The following GABRA5 variants were observed in gnomAD, a reference collection of about 807,000 sequenced individuals.
The protein encoded by GABRA5 is gamma-aminobutyric acid type A receptor subunit alpha5.
Under a neutral mutation model 47.3 loss-of-function variants are expected in GABRA5, and 18 were observed. That is an observed-to-expected ratio of 0.38 (90% CI 0.26 to 0.56). The LOEUF is 0.56. Among genes scored for constraint, GABRA5 ranks in the 20% least tolerant of loss-of-function variants. The pLI is 0.71. For synonymous variants in GABRA5, 237 were observed against 229.3 expected (o/e 1.03, Z -0.30); for missense variants, 365 against 599.3 (o/e 0.61, Z 4.08).
intron 6 of GABRA5, among the ~76,000 whole-genome samples, chr15:26,896,798 G>A (rs1893203745): frequency 1.3e-5 from 2 of 152,112 alleles, no homozygotes; most frequent in Admixed American, 6.5e-5. Flanking sequence ...GGTTAACCCA[G>A]TCATCACCAA....
intron 7 of GABRA5, among the ~76,000 whole-genome samples, chr15:26,920,863 C>G (rs1183794954): frequency 6.6e-6 from 1 of 152,140 alleles, no homozygotes; most frequent in African/African-American, 2.4e-5. Context: ...CAGAGACAAG[C>G]AAGACTGAAA....
At chr15:26,935,056 C>A (rs1428842865) in intron 7 of GABRA5, among the ~76,000 whole-genome samples, 1 of 152,104 alleles carries the variant, frequency 6.6e-6, no homozygotes, top group Non-Finnish European at 1.5e-5. Flanking sequence ...CTTGTCCCGG[C>A]AAAAAGATTG....
chr15:26,930,006 C>CTTTTTTTTTTTT lies in GABRA5; in HGVS notation c.581-7174_581-7163dup, dbSNP rs72082419. The stretch of plus-strand genomic sequence containing the variant: ...CTTTCTTCTTCTTCTTCTTCTTCTT[C>CTTTTTTTTTTTT]TTTTTTTTTTTTTTTTGTTTTTTGT... On this transcript the variant is annotated intron_variant, in intron 7 of 10. Coordinates refer to ENST00000335625, the MANE Select transcript of GABRA5 (RefSeq NM_000810.4). Among the ~76,000 whole-genome samples the CTTTTTTTTTTTT allele has an allele frequency of 2.4e-4, 27 of 113,378 alleles. No homozygotes were observed. The East Asian group carries it at 4.5e-3, about 19-fold the overall frequency. The allele number at this position is 113,378 out of a possible 152,430, so 74.4% of individuals were successfully genotyped here.
chr15:26,914,934 A>T lies in GABRA5; in HGVS notation c.580+49A>T, dbSNP rs768951861. 4 of 1,421,082 alleles carry T rather than the reference A, an allele frequency of 2.8e-6. No individual in the cohort carries two copies. The Admixed American group carries it at 6.7e-5, about 24-fold the overall frequency. The allele number at this position is 1,421,082 out of a possible 1,614,324, so 88.0% of individuals were successfully genotyped here. A position where few individuals can be genotyped will look rare whatever the true frequency, so the allele number is the denominator to read the frequency against. On this transcript the variant is annotated intron_variant, in intron 7 of 10. Transcript: ENST00000335625. ...GCCTTGGACATATACTTTGGGGATC[A>T]ATTCCACATTTATTCAGAAGAATTT...
At chr15:26,917,345 T>G (rs1383297277) in intron 7 of GABRA5, among the ~76,000 whole-genome samples, 2 of 152,146 alleles carry the variant, frequency 1.3e-5, no homozygotes, top group African/African-American at 4.8e-5. Context: ...ATGGTTTTTG[T>G]TTTTCATTCT....
intron 6 of GABRA5, among the ~76,000 whole-genome samples, chr15:26,911,671 T>C (rs1244097357): frequency 6.6e-6 from 1 of 152,090 alleles, no homozygotes; most frequent in African/African-American, 2.4e-5. Context: ...GGGTCTGCTC[T>C]GAGAGTAGGT....
At chr15:26,880,990 A>C (rs768606500) in intron 4 of GABRA5, 23 bp downstream of exon 4, 5 of 1,610,672 alleles carry the variant, frequency 3.1e-6, no homozygotes, top group Non-Finnish European at 4.2e-6. Flanking sequence ...TCCTCAGCTG[A>C]GCCCAGCAAG....
chr15:26,899,800 C>T (rs544453187), intron 6 of GABRA5, among the ~76,000 whole-genome samples: 23 of 152,122 alleles, frequency 1.5e-4, no homozygotes, highest in Admixed American at 1.0e-3. Flanking sequence ...AATGAGTCCT[C>T]GTACATGATA....
At chr15:26,940,358 T>C (rs1410890887) in intron 9 of GABRA5, among the ~76,000 whole-genome samples, 1 of 152,190 alleles carries the variant, frequency 6.6e-6, no homozygotes, top group Non-Finnish European at 1.5e-5. Context: ...TGTATCTGTT[T>C]TATGTGAGAT....
At chr15:26,939,559 G>A (rs913981578) in intron 8 of GABRA5, 17 of 619,144 alleles carry the variant, frequency 2.7e-5, no homozygotes, top group Admixed American at 5.4e-5. Flanking sequence ...GCAGGGCTCT[G>A]TGAAATCCTG....
chr15:26,869,347 C>T lies in GABRA5; in HGVS notation c.86+13C>T, dbSNP rs1163963518. On this transcript the variant is annotated intron_variant, in intron 3 of 10. Coordinates refer to ENST00000335625, the MANE Select transcript of GABRA5 (RefSeq NM_000810.4). The stretch of plus-strand genomic sequence containing the variant: ...CCAGTCACTTTGGGTAAGTTACCAT[C>T]TGTGCTTTTATTTTATGATGTTAGG... 5.9e-6 allele frequency: 9 copies of T among 1,514,458 alleles called. No homozygotes were observed. Among genetic ancestry groups the T allele is most frequent in the Middle Eastern group, 1.7e-4 (1 of 5,896 alleles). 93.8% of individuals were successfully genotyped at this position (1,514,458 alleles called of 1,614,324 possible). A position where few individuals can be genotyped will look rare whatever the true frequency, so the allele number is the denominator to read the frequency against.
chr15:26,943,166 C>T (rs1482896388), intron 9 of GABRA5, 49 bp from the exon 10 acceptor site: 1 of 1,419,018 alleles, frequency 7.0e-7, no homozygotes, highest in African/African-American at 1.4e-5. Flanking sequence ...TGGGTGCCAG[C>T]ACTGACCCCT....
chr15:26,874,784 A>T (rs1325924908), intron 3 of GABRA5, among the ~76,000 whole-genome samples: 2 of 152,270 alleles, frequency 1.3e-5, no homozygotes, highest in African/African-American at 4.8e-5. Flanking sequence ...TAAAATAAAA[A>T]AAAGTCAACC....
intron 3 of GABRA5, among the ~76,000 whole-genome samples, chr15:26,875,219 G>A (rs1490506702): frequency 6.6e-6 from 1 of 152,190 alleles, no homozygotes; most frequent in Non-Finnish European, 1.5e-5. Context: ...GGGGTTTACT[G>A]GACCCAGAGT....
rs534922522 is a variant in GABRA5 at position 26,905,590 on chromosome 15, G to A, written c.498-9213G>A. Among the ~76,000 whole-genome samples the A allele has an allele frequency of 4.6e-5, 7 of 151,416 alleles. No individual in the cohort carries two copies. In the South Asian group the frequency reaches 1.5e-3, roughly 32 times the overall value. On this transcript the variant is annotated intron_variant, in intron 6 of 10. Coordinates refer to ENST00000335625, the MANE Select transcript of GABRA5 (RefSeq NM_000810.4). ...TCTGTCCCTTTCTTCTTTTTCTCTT[G>A]TTCTGGGATTCCCATTATGTATCAT...
intron 3 of GABRA5, chr15:26,877,764 T>G: frequency 2.3e-6 from 1 of 433,788 alleles, no homozygotes; most frequent in South Asian, 1.7e-5. Flanking sequence ...GTAGAGAATA[T>G]GCATTCAATA....
chr15:26,900,582 T>G (rs994358485), intron 6 of GABRA5, among the ~76,000 whole-genome samples: 6 of 152,124 alleles, frequency 3.9e-5, no homozygotes, highest in African/African-American at 1.4e-4. Flanking sequence ...ACAGACAAAT[T>G]AAGAGTATGG....
At chr15:26,909,733 A>G (rs1893534067) in intron 6 of GABRA5, among the ~76,000 whole-genome samples, 1 of 152,236 alleles carries the variant, frequency 6.6e-6, no homozygotes, top group Admixed American at 6.5e-5. Context: ...TTGGGCTCAC[A>G]TGGAGAATCC....
intron 6 of GABRA5, among the ~76,000 whole-genome samples, chr15:26,893,366 A>ATGGTGTGGT (rs1450384043): frequency 0.013 from 21 of 1,590 alleles, no homozygotes; most frequent in Admixed American, 0.054. Flanking sequence ...TATGGTGTGT[A>ATGGTGTGGT]GCGTGTGGCG....
Sources: gnomAD v4.1 joint callset for allele counts (sites outside exome capture counted in the v4.1 genomes callset) on GRCh38, gnomAD v4.1.1 for gene constraint, MANE v1.5 for transcripts, NCBI Gene and HGNC (gene_info 2026-07-23, HGNC 2026-07-21) for gene names.